HERC6: variants seen among roughly 807,000 people sequenced by gnomAD.
HERC6 encodes the protein HECT and RLD domain containing E3 ubiquitin protein ligase family member 6.
In HERC6, 101 loss-of-function variants were observed where a neutral mutation model predicts 114.5. That is an observed-to-expected ratio of 0.88 (90% CI 0.75 to 1.04). HERC6 has a LOEUF of 1.04. Ranked by LOEUF, HERC6 falls within the 50% of genes least tolerant of loss-of-function variation. The pLI, the probability that HERC6 is intolerant of heterozygous loss-of-function variation, is 0.00. For synonymous variants in HERC6, 408 were observed against 436.2 expected (o/e 0.94, Z 0.81); for missense variants, 1,133 against 1,230.9 (o/e 0.92, Z 1.19).
chr4:88,433,936 G>T (rs146244340), intron 17 of HERC6, among the ~76,000 whole-genome samples: 1 of 152,270 alleles, frequency 6.6e-6, no homozygotes, highest in Non-Finnish European at 1.5e-5. Flanking sequence ...GAATGGCTAA[G>T]GTGTGCCAAT....
intron 11 of HERC6, among the ~76,000 whole-genome samples, chr4:88,410,670 A>G (rs935256786): frequency 1.3e-5 from 2 of 152,264 alleles, no homozygotes; most frequent in African/African-American, 4.8e-5. Context: ...CATTTAGCCT[A>G]TAGCACAGGA....
Position 88,439,417 on chromosome 4 carries a change from G to A in HERC6, c.2556-457G>A, listed in dbSNP as rs533863553. Reference sequence around the variant, plus strand: ...AGAAAAGGGAAGGGAAAGGGAAAGGGAAGGGAAGGGAAAGGAAAGAAAGAA... The same window carrying A: ...AGAAAAGGGAAGGGAAAGGGAAAGGAAAGGGAAGGGAAAGGAAAGAAAGAA... On this transcript the variant is annotated intron_variant, in intron 20 of 22. Coordinates refer to ENST00000264346, the MANE Select transcript of HERC6 (RefSeq NM_017912.4). Among the ~76,000 whole-genome samples, 1,014 of 151,604 alleles carry A rather than the reference G, an allele frequency of 6.7e-3. 9 individuals are homozygous for A. Among genetic ancestry groups the A allele is most frequent in the African/African-American group, 0.023 (939 of 41,226 alleles).
chr4:88,430,601 TA>T (rs1211655560), intron 16 of HERC6, among the ~76,000 whole-genome samples: 2 of 150,992 alleles, frequency 1.3e-5, no homozygotes, highest in African/African-American at 2.4e-5. Context: ...AATAAATAAA[TA>T]AATAAATAAA....
rs140869079 is a variant in HERC6 at position 88,440,573 on chromosome 4, G to A, written c.2842+323G>A. On this transcript the variant is annotated intron_variant, in intron 22 of 22. Transcript: ENST00000264346. ...CTGATCTACATAGGGCATGAAAAACGAGTTAGGACCAGGTGTACCATCCGC... is the reference window on the plus strand; with the variant it reads ...CTGATCTACATAGGGCATGAAAAACAAGTTAGGACCAGGTGTACCATCCGC... The A allele has an allele frequency of 6.9e-5, 15 of 216,760 alleles. 1 individual carries two copies. The highest frequency in any genetic ancestry group is 9.9e-5 in the Non-Finnish European group (11 of 111,020). The allele number at this position is 216,760 out of a possible 1,614,324, so 13.4% of individuals were successfully genotyped here.
rs564042021 is a variant in HERC6, at chr4:88,436,622, G to A, written c.2418-283G>A. On this transcript the variant is annotated intron_variant, in intron 18 of 22. Coordinates refer to ENST00000264346, the MANE Select transcript of HERC6 (RefSeq NM_017912.4). ...TCCAGACTTTGCTGAATGACCCCTA[G>A]GGGACAAAGTCATCCCTGATTCAGA... is the stretch of plus-strand genomic sequence containing the variant. 7.9e-4 allele frequency among the ~76,000 whole-genome samples: 120 copies of A among 152,246 alleles called. 1 individual carries two copies. Among genetic ancestry groups the A allele is most frequent in the African/African-American group, 2.8e-3 (115 of 41,552 alleles).
At chr4:88,393,393 A>G (rs1266521124) in intron 4 of HERC6, 95 bp from the exon 5 acceptor site, 2 of 559,928 alleles carry the variant, frequency 3.6e-6, no homozygotes, top group Non-Finnish European at 6.0e-6. Flanking sequence ...TATCTCTTAC[A>G]CAAAAAAAGA....
chr4:88,403,964 C>T (rs1006344458), intron 8 of HERC6, among the ~76,000 whole-genome samples: 2 of 151,986 alleles, frequency 1.3e-5, no homozygotes, highest in African/African-American at 4.8e-5. Flanking sequence ...AAGGCTTTTT[C>T]ATTACCCCAA....
At chr4:88,424,411 G>A (rs780466395) in intron 14 of HERC6, among the ~76,000 whole-genome samples, 184 bp from the exon 15 acceptor site, 17 of 152,106 alleles carry the variant, frequency 1.1e-4, no homozygotes, top group Non-Finnish European at 2.4e-4. Flanking sequence ...GCCCAGAGAA[G>A]GAGGTTTTAG....
At chr4:88,380,631 C>T (rs1462238559) in intron 1 of HERC6, among the ~76,000 whole-genome samples, 1 of 148,524 alleles carries the variant, frequency 6.7e-6, no homozygotes, top group African/African-American at 2.5e-5. Context: ...GCAGGGGAAT[C>T]GCTTGAACCC....
At chr4:88,399,301 C>T (rs979976031) in intron 8 of HERC6, 10 of 152,280 alleles carry the variant, frequency 6.6e-5, no homozygotes, top group Admixed American at 6.5e-4. Context: ...TTTGGTTGCT[C>T]TATCATAGCC....
intron 20 of HERC6, among the ~76,000 whole-genome samples, chr4:88,439,347 AAAAAAGAAAG>A (rs1392913297): frequency 6.6e-6 from 1 of 150,814 alleles, no homozygotes; most frequent in East Asian, 1.9e-4. Flanking sequence ...CATCTCTTAA[AAAAAAGAAAG>A]AAAAAGAAAG....
At position 88,393,607 on chromosome 4, in the gene HERC6, T is replaced by C. The variant is rs749814983; in HGVS notation, c.759+25T>C. ...GGTAATCCAAAACGTGTTGCTATTTTTTTGAGTTCCAGAGAAATGGTAACA... is the reference window on the plus strand; with the variant it reads ...GGTAATCCAAAACGTGTTGCTATTTCTTTGAGTTCCAGAGAAATGGTAACA... On this transcript the variant is annotated intron_variant, in intron 5 of 22. Coordinates refer to ENST00000264346, the MANE Select transcript of HERC6 (RefSeq NM_017912.4). 4.1e-6 allele frequency: 6 copies of C among 1,466,072 alleles called. No homozygotes were observed. The African/African-American group carries it at 8.3e-5, about 20-fold the overall frequency. The allele number at this position is 1,466,072 out of a possible 1,614,324, so 90.8% of individuals were successfully genotyped here. A position where few individuals can be genotyped will look rare whatever the true frequency, so the allele number is the denominator to read the frequency against.
intron 15 of HERC6, among the ~76,000 whole-genome samples, chr4:88,427,062 C>G (rs1737713615): frequency 6.6e-6 from 1 of 152,112 alleles, no homozygotes; most frequent in Non-Finnish European, 1.5e-5. Flanking sequence ...GGGCAGATTG[C>G]ACATTATGAA....
At chr4:88,437,314 C>A (rs1405010760) in intron 19 of HERC6, among the ~76,000 whole-genome samples, 1 of 152,020 alleles carries the variant, frequency 6.6e-6, no homozygotes, top group Non-Finnish European at 1.5e-5. Context: ...GTCTCAGCCT[C>A]CCAAAGTGCT....
intron 17 of HERC6, 120 bp downstream of exon 17, chr4:88,431,425 T>G (rs1738198480): frequency 2.2e-5 from 26 of 1,159,918 alleles, no homozygotes; most frequent in Non-Finnish European, 3.2e-5. Context: ...ACTCATATTT[T>G]GAGTAGTACT....
chr4:88,424,271 G>T (rs1445098915), intron 14 of HERC6, among the ~76,000 whole-genome samples: 1 of 152,190 alleles, frequency 6.6e-6, no homozygotes, highest in Non-Finnish European at 1.5e-5. Context: ...CAGATTGCTT[G>T]AGCCCCGGAG....
intron 19 of HERC6, among the ~76,000 whole-genome samples, 151 bp from the exon 20 acceptor site, chr4:88,437,556 CATGT>C (rs1344736062): frequency 6.6e-6 from 1 of 152,102 alleles, no homozygotes; most frequent in African/African-American, 2.4e-5. Context: ...TTTGCTTTCA[CATGT>C]ATTTAAAAGG....
chr4:88,413,339 T>C (rs1295153592), intron 12 of HERC6, 73 bp downstream of exon 12: 6 of 1,057,964 alleles, frequency 5.7e-6, no homozygotes, highest in East Asian at 5.1e-5. Flanking sequence ...TAGCAAATTT[T>C]GAATAGAAGA....
chr4:88,394,136 C>T (rs1218683602), intron 5 of HERC6, among the ~76,000 whole-genome samples: 2 of 152,146 alleles, frequency 1.3e-5, no homozygotes, highest in Admixed American at 6.5e-5. Flanking sequence ...AGATACATAA[C>T]AAAAGCTAAT....
Sources: allele counts gnomAD v4.1 joint callset (sites outside exome capture counted in the v4.1 genomes callset), GRCh38; gene constraint gnomAD v4.1.1; transcripts MANE v1.5; gene names NCBI Gene and HGNC (gene_info 2026-07-23, HGNC 2026-07-21).